HHIPL1: variants seen among roughly 807,000 people sequenced by gnomAD.
HHIPL1 encodes the protein HHIP-like protein 1.
HHIPL1 carries 43 observed loss-of-function variants against 61.8 expected under a neutral mutation model. The ratio of observed to expected loss-of-function variants is 0.70; its 90% CI spans 0.55 to 0.90. The LOEUF (loss-of-function observed/expected upper bound fraction) is 0.90, where lower values mean the gene tolerates loss of function less well. Among genes scored for constraint, HHIPL1 ranks in the 40% least tolerant of loss-of-function variants. The probability of loss-of-function intolerance (pLI) is 0.00; values close to 1 mark genes in which losing one functional copy is unlikely to be tolerated. For synonymous variants in HHIPL1, 482 were observed against 515.8 expected, an observed-to-expected ratio of 0.93 and a Z score of 0.89; for missense variants, 1,056 against 1,157.7, an observed-to-expected ratio of 0.91 and a Z score of 1.28.
the HHIPL1 span, among the ~76,000 whole-genome samples, chr14:99,627,335 CCCATCCAT>C: frequency 1.7e-4 from 25 of 149,676 alleles, no homozygotes; most frequent in East Asian, 2.0e-4. The surrounding 1 kb of genome is among the most constrained non-coding windows in gnomAD (Gnocchi z 4.4). Flanking sequence ...CATCCATCTG[CCCATCCAT>C]CCATCCATCC....
In HHIPL1 at chr14:99,645,400, AGCCGCGTGGACGCCGCCGAGTGG is replaced by A. The variant is rs1426992475; in HGVS notation, c.202_224del (p.Asp68ArgfsTer21). 1 of 1,415,666 alleles carries A rather than the reference AGCCGCGTGGACGCCGCCGAGTGG, an allele frequency of 7.1e-7. No homozygotes were observed. Among genetic ancestry groups the A allele is most frequent in the Admixed American group, 2.8e-5 (1 of 35,504 alleles). The allele number at this position is 1,415,666 out of a possible 1,614,324, so 87.7% of individuals were successfully genotyped here. A position where few individuals can be genotyped will look rare whatever the true frequency, so the allele number is the denominator to read the frequency against. On this transcript the variant is annotated frameshift_variant, in exon 1 of 9. Coordinates refer to ENST00000330710, the MANE Select transcript of HHIPL1 (RefSeq NM_001127258.3). LOFTEE classifies it high-confidence loss of function. Reference sequence around the variant, plus strand: ...GACCCGCCGCTTCTGGGCCCTGGCGAGCCGCGTGGACGCCGCCGAGTGGGCCGCGTGCGCCGGCTACGCGAGGG... The same window carrying A: ...GACCCGCCGCTTCTGGGCCCTGGCGAGCCGCGTGCGCCGGCTACGCGAGGG...
At chr14:99,613,890 G>A in the HHIPL1 span, among the ~76,000 whole-genome samples, 7 of 152,038 alleles carry the variant, frequency 4.6e-5, no homozygotes, top group East Asian at 5.9e-4. Flanking sequence ...CAGCCTGGGC[G>A]ACAGAGTGAG....
chr14:99,644,354 G>C (rs2140046179), upstream of HHIPL1, among the ~76,000 whole-genome samples: 1 of 151,884 alleles, frequency 6.6e-6, no homozygotes, highest in East Asian at 1.9e-4. Flanking sequence ...TTGGTGCTGT[G>C]AGATTCTAGG....
chr14:99,647,345 T>C (rs908336218), intron 1 of HHIPL1, among the ~76,000 whole-genome samples: 1 of 152,146 alleles, frequency 6.6e-6, no homozygotes, highest in South Asian at 2.1e-4. Flanking sequence ...ACCAGGTCCT[T>C]TGGTCTCCCT....
intron 2 of HHIPL1, among the ~76,000 whole-genome samples, chr14:99,655,032 T>C (rs971832253): frequency 6.6e-6 from 1 of 152,142 alleles, no homozygotes; most frequent in Admixed American, 6.5e-5. Flanking sequence ...TGACTCACTG[T>C]TGGGGAAAGG....
upstream of HHIPL1, among the ~76,000 whole-genome samples, chr14:99,643,416 C>T (rs553058783): frequency 6.6e-6 from 1 of 152,288 alleles, no homozygotes; most frequent in Admixed American, 6.5e-5. Context: ...TACTAGATAA[C>T]AGAAACCGAG....
upstream of HHIPL1, among the ~76,000 whole-genome samples, chr14:99,643,143 C>A (rs1430617565): frequency 1.3e-5 from 2 of 152,104 alleles, no homozygotes; most frequent in Non-Finnish European, 2.9e-5. Context: ...TGGGTTCAAG[C>A]GATTCTCATG....
the HHIPL1 span, among the ~76,000 whole-genome samples, chr14:99,627,767 A>C: frequency 1.4e-4 from 22 of 152,330 alleles, no homozygotes; most frequent in African/African-American, 4.8e-4. The surrounding 1 kb of genome is among the most constrained non-coding windows in gnomAD (Gnocchi z 4.4). Context: ...TCACCAGGCA[A>C]AAAGGGGGAC....
rs1173316001 is a variant in HHIPL1, at chr14:99,675,951, G to T, written c.*325G>T. ...GACCCTGAGGAGGGAGGGCAGCCAG[G>T]CTTCGAGGACGGACATGGCCCCTGG... On this transcript the variant is annotated 3_prime_UTR_variant, in exon 9 of 9. Coordinates refer to ENST00000330710, the MANE Select transcript of HHIPL1 (RefSeq NM_001127258.3). The surrounding 1 kb of genome is among the most constrained non-coding windows in gnomAD (Gnocchi z 5.4). 1.2e-5 allele frequency: 4 copies of T among 321,444 alleles called. No individual in the cohort carries two copies. Among genetic ancestry groups the T allele is most frequent in the Middle Eastern group, 1.6e-3 (2 of 1,218 alleles). The allele number at this position is 321,444 out of a possible 1,614,324, so 19.9% of individuals were successfully genotyped here.
At chr14:99,621,124 G>C in the HHIPL1 span, among the ~76,000 whole-genome samples, 1 of 152,014 alleles carries the variant, frequency 6.6e-6, no homozygotes, top group South Asian at 2.1e-4. Context: ...TTTGAAACAG[G>C]GTCTTTTTCT....
chr14:99,628,097 G>A, the HHIPL1 span, among the ~76,000 whole-genome samples: 1 of 152,302 alleles, frequency 6.6e-6, no homozygotes, highest in East Asian at 1.9e-4. Context: ...GCTGGTGGGA[G>A]GACCGAGGCC....
intron 6 of HHIPL1, among the ~76,000 whole-genome samples, chr14:99,667,466 G>C (rs1342855363): frequency 1.3e-5 from 2 of 152,166 alleles, no homozygotes; most frequent in African/African-American, 4.8e-5. Flanking sequence ...CTCAGCACCA[G>C]GGGCTCAGAA....
intron 2 of HHIPL1, among the ~76,000 whole-genome samples, chr14:99,653,914 C>T (rs545457046): frequency 2.8e-4 from 42 of 152,306 alleles, no homozygotes; most frequent in African/African-American, 1.0e-3. Flanking sequence ...AGGGCTCAGA[C>T]GCAGTGGCTC....
rs1211200026 is a variant in HHIPL1, at chr14:99,645,322, T to G, written c.115T>G (p.Cys39Gly). 4 of 1,458,144 alleles carry G rather than the reference T, an allele frequency of 2.7e-6. No homozygotes were observed. The South Asian group carries it at 5.3e-5, about 19-fold the overall frequency. 90.3% of individuals were successfully genotyped at this position (1,458,144 alleles called of 1,614,324 possible). Residue 39 changes from cysteine to glycine, a missense_variant, in exon 1 of 9, where the codon TGC becomes GGC. Physicochemically the swap from Cys to Gly is radical, Grantham distance 159 (BLOSUM62 -3). Coordinates refer to ENST00000330710, the MANE Select transcript of HHIPL1 (RefSeq NM_001127258.3). Reference protein sequence around the residue: ...PFRPTQPLRLCAQYSDFGCCD... With the variant: ...PFRPTQPLRLGAQYSDFGCCD... ...CCGGCCGACGCAGCCGCTGCGCCTC[T>G]GCGCGCAGTACTCGGACTTCGGCTG...
the HHIPL1 span, among the ~76,000 whole-genome samples, chr14:99,621,709 CTTTT>C: frequency 1.2e-5 from 1 of 84,526 alleles, no homozygotes; most frequent in Non-Finnish European, 2.1e-5. Flanking sequence ...CTTTTCTTTT[CTTTT>C]TTTTTTTTTT....
rs1475808106 is a variant in HHIPL1 at position 99,649,674 on chromosome 14, G to T, written c.256-2550G>T. Among the ~76,000 whole-genome samples the T allele has an allele frequency of 3.3e-5, 5 of 152,142 alleles. 1 individual carries two copies. Among genetic ancestry groups the T allele is most frequent in the Admixed American group, 3.3e-4 (5 of 15,272 alleles). On this transcript the variant is annotated intron_variant, in intron 1 of 8. Coordinates refer to ENST00000330710, the MANE Select transcript of HHIPL1 (RefSeq NM_001127258.3). ...GCCGGGTGTGGTAGAGCACGTCTGTGGTTCCAGCTACTCTGGAGGCTGAGG... is the reference window on the plus strand; with the variant it reads ...GCCGGGTGTGGTAGAGCACGTCTGTTGTTCCAGCTACTCTGGAGGCTGAGG...
At chr14:99,670,478 G>A (rs2056315741) in intron 7 of HHIPL1, among the ~76,000 whole-genome samples, 1 of 152,110 alleles carries the variant, frequency 6.6e-6, no homozygotes, top group African/African-American at 2.4e-5. Flanking sequence ...CCAGGATCCT[G>A]TGTTGCCTTT....
In HHIPL1 at chr14:99,660,550, A is replaced by G; in HGVS notation, c.1502+144A>G. The G allele has an allele frequency of 1.0e-6, 1 of 982,962 alleles. No individual in the cohort carries two copies. Among genetic ancestry groups the G allele is most frequent in the African/African-American group, 1.6e-5 (1 of 61,344 alleles). 60.9% of individuals were successfully genotyped at this position (982,962 alleles called of 1,614,324 possible). A position where few individuals can be genotyped will look rare whatever the true frequency, so the allele number is the denominator to read the frequency against. On this transcript the variant is annotated intron_variant, in intron 5 of 8. Transcript: ENST00000330710. This position sits in a 1 kb window ranked among gnomAD's most constrained non-coding sequence, Gnocchi z 4.9. ...ACAGGGGCCCCTAGGTGTGGGCCGG[A>G]CACCCGCATCCACCCGCTTTTCTCC...
the HHIPL1 span, among the ~76,000 whole-genome samples, chr14:99,634,504 A>G: frequency 6.6e-6 from 1 of 152,248 alleles, no homozygotes; most frequent in African/African-American, 2.4e-5. Context: ...GGGACTTAGA[A>G]TGTGGCATTT....
Sources: allele counts gnomAD v4.1 joint callset (sites outside exome capture counted in the v4.1 genomes callset), GRCh38; gene constraint gnomAD v4.1.1; non-coding constraint Gnocchi (gnomAD v3.1); transcripts MANE v1.5; gene names NCBI Gene and HGNC (gene_info 2026-07-23, HGNC 2026-07-21).